CACNA2D3: variants seen among roughly 807,000 people sequenced by gnomAD.
CACNA2D3 encodes voltage-dependent calcium channel subunit alpha-2/delta-3.
Under a neutral mutation model 160.6 loss-of-function variants are expected in CACNA2D3, and 60 were observed. The ratio of observed to expected loss-of-function variants is 0.37; its 90% CI spans 0.30 to 0.46. The LOEUF (loss-of-function observed/expected upper bound fraction) is 0.46, where lower values mean the gene tolerates loss of function less well. Among genes scored for constraint, CACNA2D3 ranks in the 20% least tolerant of loss-of-function variants. The probability of loss-of-function intolerance (pLI) is 1.00; values close to 1 mark genes in which losing one functional copy is unlikely to be tolerated. For missense variants in CACNA2D3, 1,205 were observed against 1,365.0 expected (o/e 0.88, Z 1.85); for synonymous variants, 558 against 492.9 (o/e 1.13, Z -1.75).
rs142634021 is a variant in CACNA2D3 at position 54,299,367 on chromosome 3, C to T, written c.205-21075C>T. Among the ~76,000 whole-genome samples the T allele has an allele frequency of 6.4e-4, 97 of 152,304 alleles. 1 individual carries two copies. The East Asian group carries it at 0.018, about 29-fold the overall frequency. ...CAGTCCCGCTCCGCTAGCCTAGCCA[C>T]TCTCTCTTCTGTTGGCAAGGGGAGT... On this transcript the variant is annotated intron_variant, in intron 2 of 37. Transcript: ENST00000474759.
chr3:54,448,102 C>G (rs369019116), intron 4 of CACNA2D3, among the ~76,000 whole-genome samples: 43 of 152,262 alleles, frequency 2.8e-4, no homozygotes, highest in Admixed American at 2.2e-3. Flanking sequence ...ATCCATAGTT[C>G]AGTCTCGTCT....
intron 15 of CACNA2D3, among the ~76,000 whole-genome samples, chr3:54,837,959 G>T (rs1220985654): frequency 2.0e-5 from 3 of 152,032 alleles, no homozygotes; most frequent in African/African-American, 4.8e-5. Context: ...AACTTGGGGG[G>T]ACACTGTTCA....
chr3:54,992,589 A>G (rs1702764323), intron 31 of CACNA2D3, among the ~76,000 whole-genome samples: 1 of 152,000 alleles, frequency 6.6e-6, no homozygotes, highest in South Asian at 2.1e-4. Context: ...CTTCTAAGCA[A>G]TGTCTGAATC....
intron 2 of CACNA2D3, among the ~76,000 whole-genome samples, chr3:54,158,915 G>A (rs1012206598): frequency 6.6e-6 from 1 of 152,176 alleles, no homozygotes; most frequent in African/African-American, 2.4e-5. Flanking sequence ...CTGAAATTAA[G>A]TATTGTCGTA....
At chr3:54,549,856 A>G (rs1276146723) in intron 5 of CACNA2D3, among the ~76,000 whole-genome samples, 1 of 152,226 alleles carries the variant, frequency 6.6e-6, no homozygotes, top group Non-Finnish European at 1.5e-5. Flanking sequence ...CAGGCTCACA[A>G]AATCATATTT....
At chr3:54,693,005 A>G (rs1700596639) in intron 11 of CACNA2D3, among the ~76,000 whole-genome samples, 1 of 112,956 alleles carries the variant, frequency 8.9e-6, no homozygotes, top group Non-Finnish European at 1.9e-5. Context: ...CCTGGATTTC[A>G]TGGACCAGCA....
intron 12 of CACNA2D3, among the ~76,000 whole-genome samples, chr3:54,761,798 C>A (rs1702085008): frequency 6.6e-6 from 1 of 152,170 alleles, no homozygotes; most frequent in Non-Finnish European, 1.5e-5. Flanking sequence ...GAGCTGTCAT[C>A]AGGAACCCAG....
At chr3:54,956,391 T>G (rs772082429) in intron 27 of CACNA2D3, among the ~76,000 whole-genome samples, 5 of 152,256 alleles carry the variant, frequency 3.3e-5, no homozygotes, top group Non-Finnish European at 7.3e-5. Flanking sequence ...TTTTGCTGTG[T>G]CAGGCTATCC....
chr3:54,179,049 T>C (rs1173596788), intron 2 of CACNA2D3, among the ~76,000 whole-genome samples: 1 of 152,096 alleles, frequency 6.6e-6, no homozygotes, highest in Non-Finnish European at 1.5e-5. Context: ...GTCAACCTTT[T>C]TGGGAGGAGA....
chr3:54,658,016 T>A (rs1270280894), intron 11 of CACNA2D3, among the ~76,000 whole-genome samples: 1 of 152,236 alleles, frequency 6.6e-6, no homozygotes, highest in Non-Finnish European at 1.5e-5. Flanking sequence ...AGTGAGACTC[T>A]GTCTCAAAAA....
chr3:54,841,877 C>A (rs955466428), intron 16 of CACNA2D3, among the ~76,000 whole-genome samples: 1 of 152,176 alleles, frequency 6.6e-6, no homozygotes, highest in African/African-American at 2.4e-5. Flanking sequence ...TGGCTTCTGG[C>A]CTCCAGGAGA....
rs775698175 is a variant in CACNA2D3 at position 55,074,160 on chromosome 3, C to T, written c.3230C>T (p.Thr1077Ile). The change falls in exon 38 of 38, where the codon ACA becomes ATA. Residue 1077 changes from threonine to isoleucine, a missense_variant. Transcript: ENST00000474759. The stretch of plus-strand genomic sequence containing the variant: ...GGTGCGCCGAGTCTCCAAGCCCAGA[C>T]AGTCCTCCTTCTGCTCCCTCTGCTT... ...CGGAPSLQAQTVLLLLPLLLM... is the reference protein window; with the variant it reads ...CGGAPSLQAQIVLLLLPLLLM... 28 of 1,613,878 alleles carry T rather than the reference C, an allele frequency of 1.7e-5. No individual in the cohort carries two copies. The Middle Eastern group carries it at 4.9e-4, about 29-fold the overall frequency.
chr3:54,778,577 T>A (rs1420443222), intron 13 of CACNA2D3, among the ~76,000 whole-genome samples: 1 of 152,178 alleles, frequency 6.6e-6, no homozygotes, highest in Non-Finnish European at 1.5e-5. Flanking sequence ...ATCCTAGAAC[T>A]TCTTGTACTA....
chr3:54,996,456 C>G (rs1264949586), intron 31 of CACNA2D3, among the ~76,000 whole-genome samples: 1 of 152,222 alleles, frequency 6.6e-6, no homozygotes, highest in Non-Finnish European at 1.5e-5. Context: ...AATTTGATCA[C>G]TTGCCCCAGG....
chr3:54,968,537 C>A lies in CACNA2D3; in HGVS notation c.2511+26C>A. The A allele has an allele frequency of 4.5e-6, 7 of 1,563,746 alleles. No individual in the cohort carries two copies. In the East Asian group the frequency reaches 1.6e-4, roughly 35 times the overall value. On this transcript the variant is annotated intron_variant, in intron 28 of 37. Transcript: ENST00000474759. ...GTAAGTTATAATCAGCATCTTGAAG[C>A]ATTAGCGACACTGTTATTATACAGG...
In CACNA2D3 at chr3:54,846,398, G is replaced by C. The variant is rs531747910; in HGVS notation, c.1557G>C (p.Gly519=). ...TTTCTTGCTTCCTCTTACAGTTAGG[G>C]ATTCACGGTTATGCCTTTGCAATCA... ...LLKTIPKYKL[G]IHGYAFAITN... is the part of the protein sequence containing the mutation. The change falls in exon 17 of 38, where the codon GGG becomes GGC. Residue 519 remains glycine (G), a synonymous_variant. Coordinates refer to ENST00000474759, the MANE Select transcript of CACNA2D3 (RefSeq NM_018398.3). The C allele has an allele frequency of 1.9e-6, 3 of 1,602,904 alleles. No homozygotes were observed. Among genetic ancestry groups the C allele is most frequent in the African/African-American group, 1.3e-5 (1 of 74,892 alleles).
chr3:54,446,396 G>A (rs1325133262), intron 4 of CACNA2D3, among the ~76,000 whole-genome samples: 1 of 152,118 alleles, frequency 6.6e-6, no homozygotes, highest in African/African-American at 2.4e-5. Flanking sequence ...GCTTAGATAA[G>A]GACCCACAGG....
intron 2 of CACNA2D3, among the ~76,000 whole-genome samples, chr3:54,168,640 TGTG>T (rs1353964152): frequency 6.6e-6 from 1 of 152,174 alleles, no homozygotes; most frequent in Non-Finnish European, 1.5e-5. Context: ...CCACTGTTAC[TGTG>T]GTTGGCCTAG....
At chr3:54,308,368 C>T (rs1575385721) in intron 2 of CACNA2D3, among the ~76,000 whole-genome samples, 1 of 152,148 alleles carries the variant, frequency 6.6e-6, no homozygotes, top group Admixed American at 6.5e-5. Flanking sequence ...ATGAGCAGAA[C>T]TGATAAGGGC....
Sources: allele counts gnomAD v4.1 joint callset (sites outside exome capture counted in the v4.1 genomes callset), GRCh38; gene constraint gnomAD v4.1.1; transcripts MANE v1.5; gene names NCBI Gene and HGNC (gene_info 2026-07-23, HGNC 2026-07-21).